AIG1: variants seen among roughly 807,000 people sequenced by gnomAD.
The protein encoded by AIG1 is androgen induced 1, also known as androgen-induced gene 1 protein.
In AIG1, 23 loss-of-function variants were observed where a neutral mutation model predicts 31.4. That is an observed-to-expected ratio of 0.73 (90% confidence interval 0.53 to 1.04). The LOEUF (loss-of-function observed/expected upper bound fraction) is 1.04. AIG1 is among the 50% of genes least tolerant of loss of function. AIG1 has a pLI of 0.00. For missense variants in AIG1, 274 were observed against 295.0 expected, an observed-to-expected ratio of 0.93 and a Z score of 0.52; for synonymous variants, 100 against 110.5, an observed-to-expected ratio of 0.90 and a Z score of 0.60.
intron 2 of AIG1, among the ~76,000 whole-genome samples, chr6:143,157,159 A>G (rs1181934482): frequency 1.3e-5 from 2 of 152,210 alleles, no homozygotes; most frequent in Non-Finnish European, 2.9e-5. Flanking sequence ...AAATTAAAAA[A>G]CCTTTTTGAT....
intron 4 of AIG1, among the ~76,000 whole-genome samples, chr6:143,315,157 T>C (rs1193491594): frequency 2.6e-5 from 4 of 152,018 alleles, no homozygotes; most frequent in Non-Finnish European, 5.9e-5. Flanking sequence ...ACTAAAGCAA[T>C]GCGAAAATAA....
intron 3 of AIG1, among the ~76,000 whole-genome samples, chr6:143,194,468 A>C (rs145584754): frequency 1.3e-5 from 2 of 152,190 alleles, no homozygotes; most frequent in Non-Finnish European, 2.9e-5. Flanking sequence ...AAATCGCCCT[A>C]TTATGTTGAT....
intron 3 of AIG1, among the ~76,000 whole-genome samples, chr6:143,201,960 A>C (rs907351007): frequency 6.6e-6 from 1 of 152,148 alleles, no homozygotes; most frequent in Non-Finnish European, 1.5e-5. Flanking sequence ...ACTCTGCTTG[A>C]GTATTTGCTT....
At chr6:143,096,865 A>G (rs1226435338) in intron 1 of AIG1, among the ~76,000 whole-genome samples, 1 of 152,250 alleles carries the variant, frequency 6.6e-6, no homozygotes, top group Non-Finnish European at 1.5e-5. Flanking sequence ...CTGTAATACA[A>G]TTGCAATTGC....
intron 1 of AIG1, among the ~76,000 whole-genome samples, chr6:143,113,586 G>A (rs569026710): frequency 8.8e-5 from 13 of 148,552 alleles, no homozygotes; most frequent in African/African-American, 2.7e-4. Flanking sequence ...CTAGGCAACA[G>A]AGAGAGACTC....
At chr6:143,183,301 T>C (rs919429036) in intron 3 of AIG1, among the ~76,000 whole-genome samples, 5 of 151,714 alleles carry the variant, frequency 3.3e-5, no homozygotes, top group African/African-American at 1.2e-4. Context: ...GTTCAAGTGA[T>C]TCCCCTGCCT....
chr6:143,089,564 T>A (rs543212280), intron 1 of AIG1, among the ~76,000 whole-genome samples: 19 of 152,360 alleles, frequency 1.2e-4, no homozygotes, highest in Non-Finnish European at 2.4e-4. Flanking sequence ...TATAAAGGAA[T>A]ACCTGAGATG....
intron 3 of AIG1, among the ~76,000 whole-genome samples, chr6:143,186,478 A>G (rs913637130): frequency 6.6e-6 from 1 of 152,190 alleles, no homozygotes; most frequent in Non-Finnish European, 1.5e-5. Flanking sequence ...TATCAAGTAC[A>G]TTAATTCATT....
At chr6:143,303,570 G>A (rs1301001986) in intron 4 of AIG1, among the ~76,000 whole-genome samples, 1 of 151,920 alleles carries the variant, frequency 6.6e-6, no homozygotes, top group Non-Finnish European at 1.5e-5. Flanking sequence ...GCTCTGTTCT[G>A]TTCCATTGAT....
intron 3 of AIG1, among the ~76,000 whole-genome samples, chr6:143,261,218 G>A (rs896794867): frequency 3.9e-5 from 6 of 152,068 alleles, no homozygotes; most frequent in East Asian, 1.9e-4. Context: ...TGCAATCTCC[G>A]CCTCCCGGGT....
chr6:143,176,690 C>T (rs1160761951), intron 3 of AIG1, among the ~76,000 whole-genome samples: 1 of 152,256 alleles, frequency 6.6e-6, no homozygotes, highest in Non-Finnish European at 1.5e-5. Flanking sequence ...AAAAGCTGGT[C>T]TCGCTCCCAC....
chr6:143,157,348 T>A (rs1408599910), intron 2 of AIG1, among the ~76,000 whole-genome samples: 2 of 151,902 alleles, frequency 1.3e-5, no homozygotes, highest in Non-Finnish European at 2.9e-5. Flanking sequence ...TTGACCACAA[T>A]CCGCAGAGTG....
At chr6:143,073,677 G>A (rs184148564) in intron 1 of AIG1, among the ~76,000 whole-genome samples, 8 of 152,294 alleles carry the variant, frequency 5.3e-5, no homozygotes, top group African/African-American at 1.9e-4. Flanking sequence ...GGTTCTGCAG[G>A]CTGTGTAGGA....
At position 143,331,838 on chromosome 6, in the gene AIG1, A is replaced by T. The variant is rs990744850; in HGVS notation, c.516-1444A>T. Among the ~76,000 whole-genome samples the T allele has an allele frequency of 2.9e-5, 4 of 137,940 alleles. No individual in the cohort carries two copies. The highest frequency in any genetic ancestry group is 5.6e-5 in the African/African-American group (2 of 35,776). 90.5% of individuals were successfully genotyped at this position (137,940 alleles called of 152,430 possible). On this transcript the variant is annotated intron_variant, in intron 4 of 5. Coordinates refer to ENST00000357847, the MANE Select transcript of AIG1 (RefSeq NM_016108.4). This position sits in a 1 kb window ranked among gnomAD's most constrained non-coding sequence, Gnocchi z 4.1. ...CCTGCCAAAAATGAGGTACATGTGTAGGTAATGTTTATTATTATTATTATT... is the reference window on the plus strand; with the variant it reads ...CCTGCCAAAAATGAGGTACATGTGTTGGTAATGTTTATTATTATTATTATT...
chr6:143,310,111 A>T (rs1775143612), intron 4 of AIG1, among the ~76,000 whole-genome samples: 1 of 151,952 alleles, frequency 6.6e-6, no homozygotes, highest in African/African-American at 2.4e-5. Context: ...TCATACAGAT[A>T]TAGTTGACCT....
At chr6:143,198,552 A>G (rs933865007) in intron 3 of AIG1, among the ~76,000 whole-genome samples, 2 of 152,220 alleles carry the variant, frequency 1.3e-5, no homozygotes, top group Admixed American at 6.5e-5. Context: ...ATACCAAAAT[A>G]ACAGTCGTTT....
At chr6:143,088,584 G>C (rs573700929) in intron 1 of AIG1, among the ~76,000 whole-genome samples, 1 of 152,296 alleles carries the variant, frequency 6.6e-6, no homozygotes, top group African/African-American at 2.4e-5. Flanking sequence ...CTGGAGCTTT[G>C]ACCTTTGGTG....
At position 143,304,039 on chromosome 6, in the gene AIG1, G is replaced by A. The variant is rs969463265; in HGVS notation, c.515+19814G>A. Among the ~76,000 whole-genome samples the A allele has an allele frequency of 4.8e-5, 7 of 146,612 alleles. 1 individual carries two copies. Among genetic ancestry groups the A allele is most frequent in the Non-Finnish European group, 9.1e-5 (6 of 66,068 alleles). ...TTGGCTCTCTGTTTGTCTGTTATTG[G>A]TGTATAAGAATGCTTGTGTTTTTGT... On this transcript the variant is annotated intron_variant, in intron 4 of 5. Transcript: ENST00000357847.
At chr6:143,275,348 C>T (rs906124926) in intron 3 of AIG1, among the ~76,000 whole-genome samples, 6 of 152,148 alleles carry the variant, frequency 3.9e-5, no homozygotes, top group African/African-American at 1.2e-4. Context: ...CACTCTTTCT[C>T]CAGCTTAATC....
Sources: allele counts gnomAD v4.1 joint callset (sites outside exome capture counted in the v4.1 genomes callset), GRCh38; gene constraint gnomAD v4.1.1; non-coding constraint Gnocchi (gnomAD v3.1); transcripts MANE v1.5; gene names NCBI Gene and HGNC (gene_info 2026-07-23, HGNC 2026-07-21).